Variants in TDRP observed in about 807,000 individuals in gnomAD.
TDRP encodes the protein testis development-related protein.
A neutral mutation model predicts 10.5 loss-of-function variants in TDRP; 12 were observed. That is an observed-to-expected ratio of 1.15 (90% CI 0.73 to 1.86). The LOEUF (loss-of-function observed/expected upper bound fraction) is 1.86. Among genes scored for constraint, TDRP ranks in the 40% most tolerant of loss-of-function variants. TDRP has a pLI of 0.00. For synonymous variants in TDRP, 139 were observed against 95.4 expected (o/e 1.46, Z -2.67); for missense variants, 353 against 229.2 (o/e 1.54, Z -3.49).
At chr8:493,028 G>A (rs1361991183) in intron 2 of TDRP, among the ~76,000 whole-genome samples, 1 of 152,132 alleles carries the variant, frequency 6.6e-6, no homozygotes, top group African/African-American at 2.4e-5. Context: ...AGAACCTCAA[G>A]GCAATAGGAA....
At chr8:531,911 G>T (rs1030009444) in intron 1 of TDRP, among the ~76,000 whole-genome samples, 3 of 152,146 alleles carry the variant, frequency 2.0e-5, no homozygotes, top group Non-Finnish European at 4.4e-5. Flanking sequence ...ACAGGAATGG[G>T]GGGATTTCAA....
intron 1 of TDRP, among the ~76,000 whole-genome samples, chr8:503,617 C>G (rs375149309): frequency 6.9e-6 from 1 of 144,188 alleles, no homozygotes; most frequent in Admixed American, 6.8e-5. Context: ...CAGCACGCAC[C>G]CAACACGGAA....
At chr8:513,090 A>G (rs1207304552) in intron 1 of TDRP, among the ~76,000 whole-genome samples, 2 of 146,352 alleles carry the variant, frequency 1.4e-5, no homozygotes, top group African/African-American at 5.2e-5. Flanking sequence ...AAGAATTAAT[A>G]CCAATTCTTC....
chr8:504,353 T>C (rs935960368), intron 1 of TDRP, among the ~76,000 whole-genome samples: 1 of 152,184 alleles, frequency 6.6e-6, no homozygotes, highest in South Asian at 2.1e-4. Context: ...GTTTTCTTTT[T>C]CCCTGAGTTT....
At chr8:544,896 A>AC (rs1321920353), upstream of TDRP, 9 of 502,036 alleles carry the variant, frequency 1.8e-5, no homozygotes, top group African/African-American at 1.9e-4. Context: ...GGGGCGGGGC[A>AC]CCCCCAGAAC....
chr8:520,099 G>C (rs1019003288), intron 1 of TDRP, among the ~76,000 whole-genome samples: 1 of 152,200 alleles, frequency 6.6e-6, no homozygotes, highest in Non-Finnish European at 1.5e-5. Context: ...TATATCCTGT[G>C]GTTGGGGAGA....
At chr8:503,181 C>G (rs1235559318) in intron 1 of TDRP, among the ~76,000 whole-genome samples, 3 of 152,134 alleles carry the variant, frequency 2.0e-5, no homozygotes, top group Non-Finnish European at 4.4e-5. Flanking sequence ...CCATGCCCAC[C>G]TCAACACGCA....
intron 1 of TDRP, among the ~76,000 whole-genome samples, chr8:495,317 G>C (rs1016041061): frequency 1.1e-3 from 170 of 152,262 alleles, no homozygotes; most frequent in African/African-American, 3.9e-3. Context: ...CCTAGAAGGG[G>C]GTCTTCTCCA....
chr8:490,378 C>T lies in TDRP; in HGVS notation c.*2021G>A, dbSNP rs953131024. The T allele has an allele frequency of 3.3e-5, 5 of 152,266 alleles. No homozygotes were observed. Among genetic ancestry groups the T allele is most frequent in the Non-Finnish European group, 4.4e-5 (3 of 68,036 alleles). The allele number at this position is 152,266 out of a possible 1,614,324, so 9.4% of individuals were successfully genotyped here. A position where few individuals can be genotyped will look rare whatever the true frequency, so the allele number is the denominator to read the frequency against. On this transcript the variant is annotated 3_prime_UTR_variant, in exon 3 of 3. Transcript: ENST00000324079. ...GAAATAGCATAAAGAACTATTTTGC[C>T]AACTGTGCGTCACAATTCTATGATT...
At chr8:509,299 C>T (rs1340777241) in intron 1 of TDRP, among the ~76,000 whole-genome samples, 1 of 152,204 alleles carries the variant, frequency 6.6e-6, no homozygotes, top group Non-Finnish European at 1.5e-5. Context: ...GGGCTCCAAC[C>T]CCACATTTCC....
chr8:525,116 G>T (rs1036579489), intron 1 of TDRP, among the ~76,000 whole-genome samples: 4 of 152,306 alleles, frequency 2.6e-5, no homozygotes, highest in African/African-American at 9.6e-5. Flanking sequence ...AGGTCTGGCA[G>T]CAGGCTTTTC....
At chr8:495,364 G>A (rs958465012) in intron 1 of TDRP, among the ~76,000 whole-genome samples, 30 of 152,304 alleles carry the variant, frequency 2.0e-4, no homozygotes, top group African/African-American at 4.1e-4. Context: ...ACCTTTAAGC[G>A]TCAGCATCTC....
rs990624152 is a variant in TDRP at position 491,333 on chromosome 8, C to T, written c.*1066G>A. 1 of 342,438 alleles carries T rather than the reference C, an allele frequency of 2.9e-6. No homozygotes were observed. Among genetic ancestry groups the T allele is most frequent in the South Asian group, 1.5e-4 (1 of 6,752 alleles). 21.2% of individuals were successfully genotyped at this position (342,438 alleles called of 1,614,324 possible). The stretch of plus-strand genomic sequence containing the variant: ...CAAACCACTTTTATCTAAGAGATAT[C>T]TGCAGGACTTGCTGATAAGAGCCAA... On this transcript the variant is annotated 3_prime_UTR_variant, in exon 3 of 3. Transcript: ENST00000324079.
chr8:513,205 G>T (rs1016570401), intron 1 of TDRP, among the ~76,000 whole-genome samples: 5 of 150,840 alleles, frequency 3.3e-5, no homozygotes, highest in African/African-American at 1.2e-4. Context: ...GACACCACGA[G>T]AAAAGGAAAT....
At chr8:522,843 C>T (rs978758823) in intron 1 of TDRP, among the ~76,000 whole-genome samples, 2 of 152,174 alleles carry the variant, frequency 1.3e-5, no homozygotes, top group Non-Finnish European at 2.9e-5. Flanking sequence ...CTCCTACTCC[C>T]TTTTAGTAGA....
At chr8:523,266 T>C (rs10216741) in intron 1 of TDRP, among the ~76,000 whole-genome samples, 106,506 of 152,072 alleles carry the variant, frequency 0.7, 37,786 homozygotes, top group African/African-American at 0.77. Flanking sequence ...TAACCCCGCA[T>C]ATAAATGTAT....
intron 1 of TDRP, among the ~76,000 whole-genome samples, chr8:496,984 T>C (rs1459192850): frequency 3.3e-5 from 5 of 152,250 alleles, no homozygotes; most frequent in African/African-American, 9.6e-5. Flanking sequence ...TCCCCAGCCA[T>C]ACAGAACTGT....
At position 490,594 on chromosome 8, in the gene TDRP, C is replaced by G. The variant is rs1285696862; in HGVS notation, c.*1805G>C. 2.0e-5 allele frequency: 3 copies of G among 152,174 alleles called. No individual in the cohort carries two copies. The highest frequency in any genetic ancestry group is 4.4e-5 in the Non-Finnish European group (3 of 68,038). 9.4% of individuals were successfully genotyped at this position (152,174 alleles called of 1,614,324 possible). On this transcript the variant is annotated 3_prime_UTR_variant, in exon 3 of 3. Transcript: ENST00000324079. ...CCAAAAACAAACCTACACTGACTTCCGCTGGAAAGTATTTGCAGAAGTCAT... is the reference window on the plus strand; with the variant it reads ...CCAAAAACAAACCTACACTGACTTCGGCTGGAAAGTATTTGCAGAAGTCAT...
intron 1 of TDRP, 95 bp downstream of exon 1, chr8:544,555 C>T: frequency 1.1e-6 from 1 of 883,678 alleles, no homozygotes. Flanking sequence ...ACTGTGCCCC[C>T]AACTACCCGC....
Sources: gnomAD v4.1 joint callset for allele counts (sites outside exome capture counted in the v4.1 genomes callset) on GRCh38, gnomAD v4.1.1 for gene constraint, MANE v1.5 for transcripts, NCBI Gene and HGNC (gene_info 2026-07-23, HGNC 2026-07-21) for gene names.